The following MARCHF1 variants were observed in gnomAD, a reference collection of about 807,000 sequenced individuals.
The protein encoded by MARCHF1 is membrane associated ring-CH-type finger 1, also known as E3 ubiquitin-protein ligase MARCHF1.
MARCHF1 carries 40 observed loss-of-function variants against 54.2 expected under a neutral mutation model. The ratio of observed to expected loss-of-function variants is 0.74; its 90% CI spans 0.57 to 0.96. The LOEUF is 0.96. Among genes scored for constraint, MARCHF1 ranks in the 40% least tolerant of loss-of-function variants. The pLI is 0.00. For missense variants in MARCHF1, 586 were observed against 656.5 expected, an observed-to-expected ratio of 0.89 and a Z score of 1.17; for synonymous variants, 236 against 236.3, an observed-to-expected ratio of 1.00 and a Z score of 0.01.
intron 2 of MARCHF1, among the ~76,000 whole-genome samples, chr4:164,020,522 A>G (rs555383490): frequency 6.6e-6 from 1 of 152,328 alleles, no homozygotes; most frequent in Admixed American, 6.5e-5. Flanking sequence ...AAAAAATTGT[A>G]GCATGGCAAC....
intron 5 of MARCHF1, among the ~76,000 whole-genome samples, chr4:163,613,840 C>G (rs1579113872): frequency 6.6e-6 from 1 of 152,092 alleles, no homozygotes; most frequent in Non-Finnish European, 1.5e-5. Flanking sequence ...ACATCAAGGC[C>G]CCATGAGATA....
At chr4:164,160,614 CT>C (rs1311732945) in intron 1 of MARCHF1, among the ~76,000 whole-genome samples, 1 of 152,084 alleles carries the variant, frequency 6.6e-6, no homozygotes, top group African/African-American at 2.4e-5. Flanking sequence ...CAGAAAATAA[CT>C]TTGGATATAA....
intron 2 of MARCHF1, among the ~76,000 whole-genome samples, chr4:164,046,163 C>T (rs1490014729): frequency 2.0e-5 from 3 of 152,206 alleles, no homozygotes; most frequent in African/African-American, 7.2e-5. Flanking sequence ...GAACTTCAAG[C>T]TCAGTATCAA....
At chr4:164,106,079 C>G (rs957758271) in intron 2 of MARCHF1, among the ~76,000 whole-genome samples, 5 of 151,534 alleles carry the variant, frequency 3.3e-5, no homozygotes, top group East Asian at 1.9e-4. Context: ...CCATCTCACA[C>G]CAGTTAGAAT....
chr4:163,878,981 G>T (rs1224999200), intron 3 of MARCHF1, among the ~76,000 whole-genome samples: 1 of 152,108 alleles, frequency 6.6e-6, no homozygotes, highest in Non-Finnish European at 1.5e-5. Context: ...TCTGTCCTCT[G>T]AGAAATTACA....
At chr4:163,604,461 C>T (rs1055891372) in intron 7 of MARCHF1, among the ~76,000 whole-genome samples, 2 of 151,998 alleles carry the variant, frequency 1.3e-5, no homozygotes, top group Non-Finnish European at 2.9e-5. Flanking sequence ...AAAATTCATC[C>T]ACCTCTTTTT....
chr4:163,577,859 T>G lies in MARCHF1; in HGVS notation c.1191+7890A>C, dbSNP rs1740090074. Among the ~76,000 whole-genome samples the G allele has an allele frequency of 3.9e-5, 6 of 152,024 alleles. No homozygotes were observed. In the South Asian group the frequency reaches 1.2e-3, roughly 32 times the overall value. On this transcript the variant is annotated intron_variant, in intron 8 of 9. Coordinates refer to ENST00000514618, the MANE Select transcript of MARCHF1 (RefSeq NM_001394959.1). ...CAAGCTCTGAAATTCTTTCTTCTGC[T>G]TGGTTATTAATATAGCTTTCAATTG... is the stretch of plus-strand genomic sequence containing the variant.
intron 4 of MARCHF1, among the ~76,000 whole-genome samples, chr4:163,769,363 T>TATAATAGATACTATAAA (rs1201178072): frequency 4.6e-5 from 7 of 152,190 alleles, no homozygotes; most frequent in Non-Finnish European, 8.8e-5. Flanking sequence ...GAAGAAGTAG[T>TATAATAGATACTATAAA]ATAATAGATA....
intron 3 of MARCHF1, among the ~76,000 whole-genome samples, chr4:163,860,086 G>T (rs560488091): frequency 5.4e-4 from 82 of 152,166 alleles, no homozygotes; most frequent in African/African-American, 1.5e-3. Flanking sequence ...ATTTTTCTTG[G>T]ACCCATTAGA....
At chr4:163,993,398 C>T (rs1753005010) in intron 2 of MARCHF1, among the ~76,000 whole-genome samples, 1 of 152,092 alleles carries the variant, frequency 6.6e-6, no homozygotes, top group South Asian at 2.1e-4. Context: ...CTCTGAAGAC[C>T]TTTCAGAAGC....
chr4:164,315,591 T>TG (rs1734974919), intron 1 of MARCHF1, among the ~76,000 whole-genome samples: 2 of 152,194 alleles, frequency 1.3e-5, no homozygotes, highest in African/African-American at 4.8e-5. Context: ...TCTAAATTAA[T>TG]AGTCCATTTT....
At chr4:164,323,125 C>T (rs1327403049) in intron 1 of MARCHF1, among the ~76,000 whole-genome samples, 1 of 151,848 alleles carries the variant, frequency 6.6e-6, no homozygotes, top group African/African-American at 2.4e-5. Flanking sequence ...AAATCATATA[C>T]TTTCCCTCTA....
At chr4:164,171,920 A>G (rs150694119) in intron 1 of MARCHF1, among the ~76,000 whole-genome samples, 2,103 of 152,294 alleles carry the variant, frequency 0.014, 142 homozygotes, top group Admixed American at 0.12. Flanking sequence ...TTTTGATTTG[A>G]CCAAGTTTAT....
chr4:164,139,040 G>A (rs1293417338), intron 1 of MARCHF1, among the ~76,000 whole-genome samples: 1 of 152,114 alleles, frequency 6.6e-6, no homozygotes. Context: ...GTATATTAAA[G>A]CAATGATTTT....
intron 2 of MARCHF1, among the ~76,000 whole-genome samples, chr4:164,094,607 G>T (rs558079203): frequency 1.3e-5 from 2 of 152,060 alleles, no homozygotes; most frequent in African/African-American, 4.8e-5. Context: ...AAGACTGAGA[G>T]TTATCTAATA....
chr4:163,954,193 G>GA (rs1163970488), intron 3 of MARCHF1, among the ~76,000 whole-genome samples: 1 of 152,106 alleles, frequency 6.6e-6, no homozygotes, highest in Non-Finnish European at 1.5e-5. Context: ...AATAAGGTAG[G>GA]AAATTATAGT....
intron 5 of MARCHF1, among the ~76,000 whole-genome samples, chr4:163,682,487 C>T (rs993677179): frequency 7.9e-5 from 12 of 152,136 alleles, no homozygotes; most frequent in Admixed American, 3.3e-4. Context: ...GGTTTAGTGC[C>T]GCGGGCCCAG....
At chr4:163,772,728 G>A (rs2110874164) in intron 4 of MARCHF1, among the ~76,000 whole-genome samples, 1 of 87,502 alleles carries the variant, frequency 1.1e-5, no homozygotes, top group Admixed American at 1.2e-4. Context: ...CTTTAAAGGG[G>A]CTCATTTGAT....
At chr4:163,829,033 G>A (rs74972071) in intron 4 of MARCHF1, 4,030 of 152,282 alleles carry the variant, frequency 0.026, 70 homozygotes, top group East Asian at 0.073. Context: ...AAGGGCACTT[G>A]GCCAGCCAGG....
Sources: gnomAD v4.1 joint callset for allele counts (sites outside exome capture counted in the v4.1 genomes callset) on GRCh38, gnomAD v4.1.1 for gene constraint, MANE v1.5 for transcripts, NCBI Gene and HGNC (gene_info 2026-07-23, HGNC 2026-07-21) for gene names.